Variants in LAMA2 observed in about 807,000 individuals in gnomAD.
The protein encoded by LAMA2 is laminin subunit alpha-2.
LAMA2 carries 269 observed loss-of-function variants against 364.8 expected under a neutral mutation model. The observed-to-expected ratio is 0.74, with a 90% confidence interval of 0.67 to 0.82. The LOEUF is 0.82. LAMA2 is among the 40% of genes least tolerant of loss of function. LAMA2 has a pLI of 0.00. For synonymous variants in LAMA2, 1,379 were observed against 1,370.6 expected (o/e 1.01, Z -0.14); for missense variants, 3,807 against 3,873.2 (o/e 0.98, Z 0.45).
intron 30 of LAMA2, among the ~76,000 whole-genome samples, chr6:129,343,349 C>T (rs558988220): frequency 3.3e-5 from 5 of 152,248 alleles, no homozygotes; most frequent in Non-Finnish European, 5.9e-5. Flanking sequence ...TCTTAATCTT[C>T]GGCTTTGTGT....
At chr6:129,496,235 C>T (rs545508576) in intron 58 of LAMA2, among the ~76,000 whole-genome samples, 12 of 152,216 alleles carry the variant, frequency 7.9e-5, no homozygotes, top group Admixed American at 3.9e-4. Flanking sequence ...GTCACAATCT[C>T]GTCTCACTGC....
intron 28 of LAMA2, among the ~76,000 whole-genome samples, chr6:129,325,434 G>C (rs1204706524): frequency 6.6e-6 from 1 of 151,578 alleles, no homozygotes; most frequent in African/African-American, 2.4e-5. Flanking sequence ...TTTTGTCTCA[G>C]TTCACCAAGA....
At chr6:129,439,838 A>ATATG (rs1296801547) in intron 42 of LAMA2, among the ~76,000 whole-genome samples, 1 of 140,512 alleles carries the variant, frequency 7.1e-6, no homozygotes, top group Admixed American at 6.9e-5. Context: ...ATATATATAT[A>ATATG]TATATATATA....
At chr6:129,302,779 T>A (rs1773626592) in intron 22 of LAMA2, among the ~76,000 whole-genome samples, 1 of 152,130 alleles carries the variant, frequency 6.6e-6, no homozygotes, top group South Asian at 2.1e-4. Context: ...ACTATATATA[T>A]GTTTATGCAT....
At chr6:129,017,410 A>C (rs920076108) in intron 1 of LAMA2, among the ~76,000 whole-genome samples, 1 of 152,176 alleles carries the variant, frequency 6.6e-6, no homozygotes, top group South Asian at 2.1e-4. Flanking sequence ...GTACATCCAC[A>C]GGTTTGCATA....
At chr6:129,378,997 AC>A (rs1778528623) in intron 34 of LAMA2, among the ~76,000 whole-genome samples, 3 of 152,246 alleles carry the variant, frequency 2.0e-5, no homozygotes, top group Admixed American at 2.0e-4. Context: ...AAAATGTGGT[AC>A]ATACACACCA....
chr6:129,005,863 G>T (rs1163227524), intron 1 of LAMA2, among the ~76,000 whole-genome samples: 1 of 150,394 alleles, frequency 6.6e-6, no homozygotes, highest in Admixed American at 6.6e-5. Flanking sequence ...ATATATAAAC[G>T]CTTGGCCATT....
chr6:129,412,942 A>G (rs936475548), intron 40 of LAMA2, among the ~76,000 whole-genome samples: 16 of 152,348 alleles, frequency 1.1e-4, no homozygotes, highest in African/African-American at 3.6e-4. Context: ...GATGAGCACT[A>G]ACTATCTCTG....
chr6:129,405,491 T>C (rs1452360529), intron 40 of LAMA2, among the ~76,000 whole-genome samples: 2 of 152,134 alleles, frequency 1.3e-5, no homozygotes, highest in African/African-American at 2.4e-5. Flanking sequence ...CAGAGAGTGA[T>C]GGTGAGTTGT....
intron 1 of LAMA2, among the ~76,000 whole-genome samples, chr6:128,892,879 A>G (rs1458919647): frequency 1.3e-5 from 2 of 151,924 alleles, no homozygotes; most frequent in Non-Finnish European, 2.9e-5. Context: ...CAAAAAACCT[A>G]CTTCAGAAAA....
At chr6:129,251,884 G>A (rs565939942) in intron 13 of LAMA2, among the ~76,000 whole-genome samples, 200 bp from the exon 14 acceptor site, 89 of 152,188 alleles carry the variant, frequency 5.8e-4, no homozygotes, top group African/African-American at 2.1e-3. Flanking sequence ...GCAGCGAGCC[G>A]AGATCGCGCC....
intron 3 of LAMA2, among the ~76,000 whole-genome samples, chr6:129,063,798 A>G (rs181068297): frequency 1.5e-4 from 23 of 152,328 alleles, no homozygotes; most frequent in African/African-American, 5.0e-4. Flanking sequence ...AACAGTTTTA[A>G]CTGGAATTTA....
chr6:129,156,232 G>A (rs1053042347), intron 8 of LAMA2, among the ~76,000 whole-genome samples: 3 of 151,070 alleles, frequency 2.0e-5, no homozygotes, highest in Admixed American at 6.6e-5. Context: ...ATACAATTTT[G>A]TCAAAAAGGA....
chr6:128,960,201 A>C (rs562868940), intron 1 of LAMA2, among the ~76,000 whole-genome samples: 3 of 151,980 alleles, frequency 2.0e-5, no homozygotes, highest in Non-Finnish European at 4.4e-5. Flanking sequence ...ACCTAACTTA[A>C]GGATTTTAAT....
chr6:129,230,113 A>C (rs1235171173), intron 12 of LAMA2, among the ~76,000 whole-genome samples: 2 of 152,164 alleles, frequency 1.3e-5, no homozygotes, highest in African/African-American at 4.8e-5. Flanking sequence ...ATTGGGCCCT[A>C]TAGCACCCCA....
intron 21 of LAMA2, among the ~76,000 whole-genome samples, chr6:129,298,458 C>T (rs955721637): frequency 8.5e-5 from 13 of 152,176 alleles, no homozygotes; most frequent in African/African-American, 3.1e-4. Flanking sequence ...TACATCCAGC[C>T]ACAGCCTTCA....
chr6:129,505,203 A>T lies in LAMA2; in HGVS notation c.8551A>T (p.Lys2851Ter). The change falls in exon 61 of 65, where the codon AAG (lysine) becomes TAG (stop). Residue 2851 changes from lysine (K) to a stop codon, truncating the protein, a stop_gained. Transcript: ENST00000421865. LOFTEE classifies it high-confidence loss of function. Reference protein sequence around the residue: ...KINDGQWHKIKIMRSKQEGIL... With the variant: ...KINDGQWHKI ...ATGACTCCTTTCTTTTTTGTAGATT[A>T]AGATAATGAGAAGTAAGCAAGAAGG... 6.2e-7 allele frequency: 1 copy of T among 1,613,460 alleles called. No homozygotes were observed. Among genetic ancestry groups the T allele is most frequent in the Non-Finnish European group, 8.5e-7 (1 of 1,179,418 alleles).
intron 30 of LAMA2, among the ~76,000 whole-genome samples, chr6:129,342,924 G>A (rs1450058410): frequency 6.6e-6 from 1 of 151,982 alleles, no homozygotes; most frequent in Non-Finnish European, 1.5e-5. Context: ...TTGAAAAATT[G>A]TACAATTAAA....
At chr6:129,192,229 C>A (rs747797297) in intron 11 of LAMA2, among the ~76,000 whole-genome samples, 1 of 152,180 alleles carries the variant, frequency 6.6e-6, no homozygotes, top group Non-Finnish European at 1.5e-5. Flanking sequence ...CTCTGCATTA[C>A]AAATACATAC....
Sources: gnomAD v4.1 joint callset for allele counts (sites outside exome capture counted in the v4.1 genomes callset) on GRCh38, gnomAD v4.1.1 for gene constraint, MANE v1.5 for transcripts, NCBI Gene and HGNC (gene_info 2026-07-23, HGNC 2026-07-21) for gene names.